The following NEDD4L variants were observed in gnomAD, a reference collection of about 807,000 sequenced individuals.
The protein encoded by NEDD4L is NEDD4 like E3 ubiquitin protein ligase, also known as E3 ubiquitin-protein ligase NEDD4-like.
A neutral mutation model predicts 148.9 loss-of-function variants in NEDD4L; 54 were observed. The observed-to-expected ratio is 0.36, with a 90% CI of 0.29 to 0.45. The LOEUF (loss-of-function observed/expected upper bound fraction) is 0.45, where lower values mean the gene tolerates loss of function less well. Ranked by LOEUF, NEDD4L falls within the 20% of genes least tolerant of loss-of-function variation. The pLI is 1.00. For missense variants in NEDD4L, 856 were observed against 1,233.8 expected, an observed-to-expected ratio of 0.69 and a Z score of 4.59; for synonymous variants, 433 against 440.7, an observed-to-expected ratio of 0.98 and a Z score of 0.22.
At chr18:58,191,969 G>T (rs2147201723) in intron 2 of NEDD4L, among the ~76,000 whole-genome samples, 1 of 152,264 alleles carries the variant, frequency 6.6e-6, no homozygotes, top group South Asian at 2.1e-4. Flanking sequence ...TCAGGAGTTT[G>T]AGACCAGTCT....
At chr18:58,055,912 T>C (rs2082068681) in intron 1 of NEDD4L, among the ~76,000 whole-genome samples, 1 of 152,226 alleles carries the variant, frequency 6.6e-6, no homozygotes, top group African/African-American at 2.4e-5. Context: ...CTCCTTATTA[T>C]TGTTTTCTTA....
At chr18:58,195,739 T>G (rs534560095) in intron 2 of NEDD4L, 3 of 1,348,832 alleles carry the variant, frequency 2.2e-6, no homozygotes, top group African/African-American at 1.5e-5. Flanking sequence ...ATCTGGTAAG[T>G]GCCACCGAAG....
chr18:58,201,951 T>G (rs1159507429), intron 2 of NEDD4L, among the ~76,000 whole-genome samples: 1 of 152,242 alleles, frequency 6.6e-6, no homozygotes, highest in Non-Finnish European at 1.5e-5. Flanking sequence ...TGATGGACAC[T>G]TGAGTTATTC....
chr18:58,369,599 C>T (rs893175063), intron 22 of NEDD4L, among the ~76,000 whole-genome samples: 9 of 152,248 alleles, frequency 5.9e-5, no homozygotes, highest in African/African-American at 1.2e-4. Context: ...CACGCTGAGC[C>T]GGGGAGAATT....
intron 15 of NEDD4L, among the ~76,000 whole-genome samples, chr18:58,342,029 G>A (rs148059169): frequency 6.6e-6 from 1 of 152,348 alleles, no homozygotes; most frequent in African/African-American, 2.4e-5. Flanking sequence ...AGGCCGTGGT[G>A]ACTTGTGCTG....
intron 1 of NEDD4L, among the ~76,000 whole-genome samples, chr18:58,109,632 C>T (rs2085300323): frequency 7.0e-6 from 1 of 142,134 alleles, no homozygotes; most frequent in African/African-American, 2.7e-5. Context: ...AGTGCAGTGG[C>T]ATGATCTCGG....
At chr18:58,130,957 A>G (rs1683167859) in intron 1 of NEDD4L, among the ~76,000 whole-genome samples, 2 of 140,364 alleles carry the variant, frequency 1.4e-5, no homozygotes, top group Non-Finnish European at 3.0e-5. Context: ...GTTGTGATCT[A>G]GCAGAACTGT....
intron 1 of NEDD4L, among the ~76,000 whole-genome samples, chr18:58,111,737 T>C (rs1438152214): frequency 6.6e-6 from 1 of 152,218 alleles, no homozygotes; most frequent in African/African-American, 2.4e-5. Context: ...CATTTATCAG[T>C]TGATGAACAT....
chr18:58,224,160 A>G (rs1383077801), intron 2 of NEDD4L, among the ~76,000 whole-genome samples: 2 of 152,248 alleles, frequency 1.3e-5, no homozygotes, highest in Admixed American at 6.5e-5. Flanking sequence ...TGTCTTGTTC[A>G]CTTCACGATT....
In NEDD4L at chr18:58,370,438, C is replaced by G. The variant is rs1235631582; in HGVS notation, c.2227C>G (p.Gln743Glu). ...RPFYKMMLGK[Q>E]ITLNDMESVD... ...ATTTTACAAGATGATGTTGGGAAAG[C>G]AGATAACCCTGAATGACATGGAATC... Residue 743 changes from glutamine (Q) to glutamate (E), a missense_variant, in exon 23 of 31, where the codon CAG (glutamine) becomes GAG (glutamate). By Grantham distance (29) the Gln-to-Glu change is conservative. Around this residue, in one of 4 missense-constraint regions of NEDD4L, gnomAD observed 286 missense variants for 531.8 expected, o/e 0.54. Transcript: ENST00000400345. 1 of 1,611,464 alleles carries G rather than the reference C, an allele frequency of 6.2e-7. No individual in the cohort carries two copies. Among genetic ancestry groups the G allele is most frequent in the Admixed American group, 1.7e-5 (1 of 60,028 alleles).
At chr18:58,388,985 G>T in intron 27 of NEDD4L, 100 bp from the exon 28 acceptor site, 2 of 911,736 alleles carry the variant, frequency 2.2e-6, no homozygotes, top group African/African-American at 1.6e-5. Flanking sequence ...TACCTTCGCG[G>T]CACAGTGACC....
intron 1 of NEDD4L, 62 bp downstream of exon 1, chr18:58,044,770 G>A (rs2081495806): frequency 1.3e-6 from 2 of 1,580,042 alleles, no homozygotes; most frequent in African/African-American, 2.7e-5. Flanking sequence ...CGCCGGCAGG[G>A]GGAGGGGAAA....
At chr18:58,380,296 T>TTTA (rs1555863200) in intron 24 of NEDD4L, among the ~76,000 whole-genome samples, 232 of 141,808 alleles carry the variant, frequency 1.6e-3, no homozygotes, top group Middle Eastern at 6.9e-3. Flanking sequence ...TTCTTTTTTA[T>TTTA]TTTATTTATT....
chr18:58,255,728 G>A (rs1199140242), intron 5 of NEDD4L: 54 of 1,232,204 alleles, frequency 4.4e-5, no homozygotes, highest in Non-Finnish European at 5.5e-5. Context: ...GAGAGAAGAC[G>A]ACTTCTTCAT....
intron 5 of NEDD4L, among the ~76,000 whole-genome samples, chr18:58,292,266 G>A (rs942948113): frequency 9.2e-5 from 14 of 152,152 alleles, no homozygotes; most frequent in South Asian, 2.1e-4. Context: ...CCACCTCAGC[G>A]TATACTGTCA....
chr18:58,068,223 G>A lies in NEDD4L; in HGVS notation c.48+23515G>A, dbSNP rs143657631. Among the ~76,000 whole-genome samples the A allele has an allele frequency of 6.0e-3, 835 of 138,966 alleles. 8 individuals are homozygous for A. The highest frequency in any genetic ancestry group is 9.2e-3 in the Non-Finnish European group (600 of 65,116). The allele number at this position is 138,966 out of a possible 152,430, so 91.2% of individuals were successfully genotyped here. Reference sequence around the variant, plus strand: ...TTTTTTTTTTGTTTTGTTTTGAGACGGAGTCTCGCTCTGTTGCCCAGGCTG... The same window carrying A: ...TTTTTTTTTTGTTTTGTTTTGAGACAGAGTCTCGCTCTGTTGCCCAGGCTG... On this transcript the variant is annotated intron_variant, in intron 1 of 30. Coordinates refer to ENST00000400345, the MANE Select transcript of NEDD4L (RefSeq NM_001144967.3).
intron 5 of NEDD4L, among the ~76,000 whole-genome samples, chr18:58,269,424 G>A (rs922488326): frequency 2.0e-5 from 3 of 152,038 alleles, no homozygotes; most frequent in Non-Finnish European, 4.4e-5. Context: ...TATTACCCTT[G>A]TGCTCAACAC....
chr18:58,224,832 T>C (rs1248499582), intron 2 of NEDD4L, among the ~76,000 whole-genome samples: 1 of 152,224 alleles, frequency 6.6e-6, no homozygotes, highest in African/African-American at 2.4e-5. Context: ...TTAAGTCAGA[T>C]TGTTCTTTTC....
intron 1 of NEDD4L, among the ~76,000 whole-genome samples, chr18:58,158,287 C>T (rs2035759120): frequency 6.6e-6 from 1 of 152,226 alleles, no homozygotes; most frequent in African/African-American, 2.4e-5. Flanking sequence ...AGGTGGAAGC[C>T]TAATGTCTTT....
Sources: allele counts gnomAD v4.1 joint callset (sites outside exome capture counted in the v4.1 genomes callset), GRCh38; gene constraint gnomAD v4.1.1; regional missense constraint gnomAD v4.1.1; transcripts MANE v1.5; gene names NCBI Gene and HGNC (gene_info 2026-07-23, HGNC 2026-07-21).